NME7: variants seen among roughly 807,000 people sequenced by gnomAD.
NME7 encodes NME/NM23 family member 7, also known as nucleoside diphosphate kinase 7.
In NME7, 41 loss-of-function variants were observed where a neutral mutation model predicts 49.1. That is an observed-to-expected ratio of 0.83 (90% CI 0.65 to 1.08). The LOEUF (loss-of-function observed/expected upper bound fraction) is 1.08. Ranked by LOEUF, NME7 falls within the 50% of genes least tolerant of loss-of-function variation. NME7 has a pLI of 0.00. For missense variants in NME7, 423 were observed against 463.4 expected (o/e 0.91, Z 0.80); for synonymous variants, 139 against 150.6 (o/e 0.92, Z 0.56).
chr1:169,352,916 A>T (rs968722935), intron 1 of NME7, among the ~76,000 whole-genome samples: 11 of 152,076 alleles, frequency 7.2e-5, no homozygotes, highest in African/African-American at 2.7e-4. Context: ...GCCACTAAAA[A>T]ATTGAAAGAT....
At chr1:169,346,635 G>A (rs1216760891) in intron 1 of NME7, among the ~76,000 whole-genome samples, 3 of 152,040 alleles carry the variant, frequency 2.0e-5, no homozygotes, top group Non-Finnish European at 4.4e-5. Flanking sequence ...CAAATATAAT[G>A]TATACTATAC....
intron 1 of NME7, among the ~76,000 whole-genome samples, chr1:169,353,256 C>T (rs189885611): frequency 1.3e-5 from 2 of 152,098 alleles, no homozygotes; most frequent in Admixed American, 6.6e-5. Flanking sequence ...CTACAATGAA[C>T]TCATTTTCAA....
intron 1 of NME7, among the ~76,000 whole-genome samples, chr1:169,352,122 A>G (rs1289954329): frequency 1.3e-5 from 2 of 152,020 alleles, no homozygotes; most frequent in Admixed American, 6.6e-5. Flanking sequence ...CATCAAAAAA[A>G]AAAGAATGAA....
chr1:169,251,876 C>A (rs1648640493), intron 7 of NME7, among the ~76,000 whole-genome samples: 1 of 151,828 alleles, frequency 6.6e-6, no homozygotes, highest in Non-Finnish European at 1.5e-5. Context: ...CATGTCCCTA[C>A]AAAGGACATG....
chr1:169,202,010 T>A (rs989312293), intron 10 of NME7, among the ~76,000 whole-genome samples: 1 of 151,706 alleles, frequency 6.6e-6, no homozygotes, highest in Non-Finnish European at 1.5e-5. Flanking sequence ...ATCTGGGGAG[T>A]CTGGCAGCAG....
chr1:169,355,036 A>ATAATATAATTATATATTATATG (rs1653351641), intron 1 of NME7, among the ~76,000 whole-genome samples: 2 of 73,260 alleles, frequency 2.7e-5, no homozygotes, highest in South Asian at 3.8e-4. Context: ...TATATTATAT[A>ATAATATAATTATATATTATATG]TTATAGATAT....
intron 7 of NME7, among the ~76,000 whole-genome samples, chr1:169,240,725 G>A (rs868394279): frequency 5.9e-5 from 9 of 151,804 alleles, no homozygotes; most frequent in South Asian, 4.1e-4. Flanking sequence ...TTCATTATAC[G>A]TCAAAAATCA....
Position 169,367,782 on chromosome 1 carries a change from C to T in NME7, c.-72G>A, listed in dbSNP as rs1653944350. 5.6e-6 allele frequency: 9 copies of T among 1,596,296 alleles called. No homozygotes were observed. Among genetic ancestry groups the T allele is most frequent in the South Asian group, 3.3e-5 (3 of 90,758 alleles). The stretch of plus-strand genomic sequence containing the variant: ...AGACACCACCACCACCACCATCATA[C>T]GGTTACTCAGGCAACAAAGCCCCGC... On this transcript the variant is annotated 5_prime_UTR_variant, in exon 1 of 12. Coordinates refer to ENST00000367811, the MANE Select transcript of NME7 (RefSeq NM_013330.5).
intron 11 of NME7, among the ~76,000 whole-genome samples, chr1:169,158,072 G>A (rs1052411927): frequency 6.6e-6 from 1 of 152,116 alleles, no homozygotes; most frequent in Non-Finnish European, 1.5e-5. Flanking sequence ...TACTCACTGG[G>A]ACAGTGGTTT....
At chr1:169,228,051 C>A (rs891853577) in intron 10 of NME7, among the ~76,000 whole-genome samples, 12 of 151,198 alleles carry the variant, frequency 7.9e-5, no homozygotes, top group African/African-American at 2.9e-4. Flanking sequence ...TACACACACA[C>A]ACACACACAC....
chr1:169,263,293 G>C lies in NME7; in HGVS notation c.754+24010C>G, dbSNP rs923704379. Among the ~76,000 whole-genome samples the C allele has an allele frequency of 1.1e-4, 15 of 133,790 alleles. 1 individual carries two copies. The highest frequency in any genetic ancestry group is 3.5e-4 in the African/African-American group (14 of 39,494). The allele number at this position is 133,790 out of a possible 152,430, so 87.8% of individuals were successfully genotyped here. A position where few individuals can be genotyped will look rare whatever the true frequency, so the allele number is the denominator to read the frequency against. On this transcript the variant is annotated intron_variant, in intron 7 of 11. Transcript: ENST00000367811. ...TGACAGAAACAGAATTCAGAATGTG[G>C]ATAGGAATGAAGATCATCAAGATTC...
chr1:169,212,680 C>T (rs1660860892), intron 10 of NME7, among the ~76,000 whole-genome samples: 1 of 150,222 alleles, frequency 6.7e-6, no homozygotes, highest in Non-Finnish European at 1.5e-5. Flanking sequence ...TGGCCCACTG[C>T]AGCCTTTAAG....
intron 7 of NME7, among the ~76,000 whole-genome samples, chr1:169,253,665 T>C (rs1182758759): frequency 6.6e-6 from 1 of 152,178 alleles, no homozygotes; most frequent in Non-Finnish European, 1.5e-5. Context: ...ATGCTTCTAG[T>C]TTTTGCCCAT....
At chr1:169,259,130 G>A (rs1419775882) in intron 7 of NME7, among the ~76,000 whole-genome samples, 6 of 132,718 alleles carry the variant, frequency 4.5e-5, no homozygotes, top group African/African-American at 1.5e-4. Context: ...ATACTTTTAT[G>A]GTAAAATATA....
chr1:169,179,792 C>G (rs1050462306), intron 10 of NME7, among the ~76,000 whole-genome samples: 1 of 151,988 alleles, frequency 6.6e-6, no homozygotes, highest in Admixed American at 6.6e-5. Flanking sequence ...AGGAGGGGAG[C>G]AACACACACT....
intron 1 of NME7, among the ~76,000 whole-genome samples, chr1:169,357,607 G>C (rs1359228731): frequency 6.6e-6 from 1 of 152,004 alleles, no homozygotes; most frequent in Non-Finnish European, 1.5e-5. Context: ...ATCTAAGATA[G>C]ACAGATATTC....
At chr1:169,196,842 T>C (rs1022785068) in intron 10 of NME7, among the ~76,000 whole-genome samples, 1 of 152,178 alleles carries the variant, frequency 6.6e-6, no homozygotes, top group Admixed American at 6.6e-5. Flanking sequence ...TTTGCTAGAA[T>C]GGTATGAAAA....
intron 11 of NME7, among the ~76,000 whole-genome samples, chr1:169,137,223 C>T (rs2101804775): frequency 6.6e-6 from 1 of 152,352 alleles, no homozygotes; most frequent in East Asian, 1.9e-4. Context: ...GTGCACGGGG[C>T]CACATGCCTA....
chr1:169,323,978 C>T (rs576737928), intron 2 of NME7, among the ~76,000 whole-genome samples: 15 of 151,632 alleles, frequency 9.9e-5, no homozygotes, highest in African/African-American at 3.1e-4. Flanking sequence ...CTCAGCCTCC[C>T]GAGTAGCTGG....
Sources: gnomAD v4.1 joint callset for allele counts (sites outside exome capture counted in the v4.1 genomes callset) on GRCh38, gnomAD v4.1.1 for gene constraint, MANE v1.5 for transcripts, NCBI Gene and HGNC (gene_info 2026-07-23, HGNC 2026-07-21) for gene names.